NAPG: variants seen among roughly 807,000 people sequenced by gnomAD.
The protein encoded by NAPG is NSF attachment protein gamma.
In NAPG, 25 loss-of-function variants were observed where a neutral mutation model predicts 48.4. That is an observed-to-expected ratio of 0.52 (90% CI 0.38 to 0.72). The LOEUF is 0.72. Among genes scored for constraint, NAPG ranks in the 30% least tolerant of loss-of-function variants. NAPG has a pLI of 0.00. For missense variants in NAPG, 359 were observed against 372.5 expected (o/e 0.96, Z 0.30); for synonymous variants, 139 against 127.2 (o/e 1.09, Z -0.62).
In NAPG at chr18:10,533,665, A is replaced by G; in HGVS notation, c.227+112A>G. 5 of 878,522 alleles carry G rather than the reference A, an allele frequency of 5.7e-6. No individual in the cohort carries two copies. In the South Asian group the frequency reaches 9.1e-5, roughly 16 times the overall value. 54.4% of individuals were successfully genotyped at this position (878,522 alleles called of 1,614,324 possible). On this transcript the variant is annotated intron_variant, in intron 4 of 11. Transcript: ENST00000322897. ...TATAAATTTTGTATTGATTTAAATA[A>G]TAATCATTTCTCTTTGCTTCAGTTT...
rs995075355 is a variant in NAPG at position 10,542,358 on chromosome 18, A to G, written c.506+1959A>G. Reference sequence around the variant, plus strand: ...AAAATTAATTTAAATTTGTGCAGGAACATGAAGGAATTTGATCTTTTGAAA... The same window carrying G: ...AAAATTAATTTAAATTTGTGCAGGAGCATGAAGGAATTTGATCTTTTGAAA... On this transcript the variant is annotated intron_variant, in intron 8 of 11. Transcript: ENST00000322897. This position sits in a 1 kb window ranked among gnomAD's most constrained non-coding sequence, Gnocchi z 4.5. Among the ~76,000 whole-genome samples the G allele has an allele frequency of 6.6e-6, 1 of 152,208 alleles. No individual in the cohort carries two copies. The highest frequency in any genetic ancestry group is 1.5e-5 in the Non-Finnish European group (1 of 68,040).
chr18:10,526,244 G>C, intron 1 of NAPG, 86 bp downstream of exon 1: 1 of 768,744 alleles, frequency 1.3e-6, no homozygotes, highest in Non-Finnish European at 2.2e-6. Context: ...GGGGGCGGGA[G>C]GGAGGGCTCA....
intron 2 of NAPG, among the ~76,000 whole-genome samples, chr18:10,531,235 C>A (rs370413849): frequency 6.6e-6 from 1 of 152,152 alleles, no homozygotes; most frequent in Admixed American, 6.5e-5. Flanking sequence ...TAACCTGATA[C>A]GCAAATCATA....
At chr18:10,541,601 T>C (rs548266570) in intron 8 of NAPG, among the ~76,000 whole-genome samples, 53 of 152,302 alleles carry the variant, frequency 3.5e-4, no homozygotes, top group African/African-American at 1.3e-3. Context: ...AACAGTGTCC[T>C]TCATTCTTTT....
intron 2 of NAPG, among the ~76,000 whole-genome samples, chr18:10,531,609 A>C (rs533675): frequency 0.41 from 61,596 of 152,038 alleles, 13,121 homozygotes; most frequent in African/African-American, 0.55. Flanking sequence ...ACTTTTATTT[A>C]AATCTGAGTA....
chr18:10,531,037 AC>A (rs142152293), intron 2 of NAPG, among the ~76,000 whole-genome samples, 200 bp downstream of exon 2: 6,851 of 152,242 alleles, frequency 0.045, 449 homozygotes, highest in African/African-American at 0.15. Flanking sequence ...AGTTCCTGGT[AC>A]CTGCTGTCTA....
At chr18:10,536,533 G>T (rs1005088337) in intron 5 of NAPG, among the ~76,000 whole-genome samples, 2 of 152,214 alleles carry the variant, frequency 1.3e-5, no homozygotes, top group African/African-American at 4.8e-5. Context: ...TTGAAAATAG[G>T]CATATTTATG....
chr18:10,543,780 G>A lies in NAPG; in HGVS notation c.507-2546G>A, dbSNP rs76743274. Among the ~76,000 whole-genome samples the A allele has an allele frequency of 5.1e-3, 770 of 152,268 alleles. 7 individuals carry two copies. The highest frequency in any genetic ancestry group is 7.2e-3 in the Non-Finnish European group (492 of 68,008). ...TAGGAATATTAAGTATTACCTGATG[G>A]AAAAGTTGAAAGCATCTGTGTTTCA... On this transcript the variant is annotated intron_variant, in intron 8 of 11. Coordinates refer to ENST00000322897, the MANE Select transcript of NAPG (RefSeq NM_003826.3). The surrounding 1 kb of genome is among the most constrained non-coding windows in gnomAD (Gnocchi z 4.4).
rs2032325005 is a variant in NAPG, at chr18:10,548,918, G to T, written c.666-49G>T. Reference sequence around the variant, plus strand: ...GGGCAGAATCATCCCTGCCTGAGATGTGTTCTTTTAAGGAGAAGGTGAAGA... The same window carrying T: ...GGGCAGAATCATCCCTGCCTGAGATTTGTTCTTTTAAGGAGAAGGTGAAGA... On this transcript the variant is annotated intron_variant, in intron 10 of 11. Transcript: ENST00000322897. The surrounding 1 kb of genome is among the most constrained non-coding windows in gnomAD (Gnocchi z 4.4). The T allele has an allele frequency of 1.3e-6, 2 of 1,593,030 alleles. No homozygotes were observed. Among genetic ancestry groups the T allele is most frequent in the African/African-American group, 2.7e-5 (2 of 74,434 alleles).
At chr18:10,536,335 G>A (rs1034248537) in intron 5 of NAPG, among the ~76,000 whole-genome samples, 2 of 152,196 alleles carry the variant, frequency 1.3e-5, no homozygotes, top group African/African-American at 4.8e-5. Context: ...CCACAATTCT[G>A]TGGGCTAAAA....
chr18:10,529,000 G>A (rs976654688), intron 1 of NAPG, among the ~76,000 whole-genome samples: 3 of 152,188 alleles, frequency 2.0e-5, no homozygotes, highest in Admixed American at 6.5e-5. Context: ...AAATTGGTCA[G>A]TTTCCTTATT....
intron 1 of NAPG, among the ~76,000 whole-genome samples, chr18:10,527,302 T>C (rs1031627569): frequency 6.6e-6 from 1 of 152,160 alleles, no homozygotes; most frequent in African/African-American, 2.4e-5. Context: ...ATAGAGATTC[T>C]AATTTTTCGT....
chr18:10,528,375 A>G (rs1421213029), intron 1 of NAPG, among the ~76,000 whole-genome samples: 33 of 152,220 alleles, frequency 2.2e-4, no homozygotes, highest in Admixed American at 6.5e-5. Context: ...TGGGCAGACA[A>G]GTTAACAGAG....
In NAPG at chr18:10,526,173, T is replaced by C; in HGVS notation, c.56+15T>C. 2.0e-6 allele frequency: 3 copies of C among 1,495,368 alleles called. No individual in the cohort carries two copies. Among genetic ancestry groups the C allele is most frequent in the Non-Finnish European group, 2.7e-6 (3 of 1,106,556 alleles). The allele number at this position is 1,495,368 out of a possible 1,614,324, so 92.6% of individuals were successfully genotyped here. A position where few individuals can be genotyped will look rare whatever the true frequency, so the allele number is the denominator to read the frequency against. ...GCAGAGAAATAGTGAGTGAGAACCTTCCGGGGGCCTGTGTGTAGACGCCGG... is the reference window on the plus strand; with the variant it reads ...GCAGAGAAATAGTGAGTGAGAACCTCCCGGGGGCCTGTGTGTAGACGCCGG... On this transcript the variant is annotated intron_variant, in intron 1 of 11. Transcript: ENST00000322897.
intron 2 of NAPG, among the ~76,000 whole-genome samples, chr18:10,531,342 TTA>T (rs2031924442): frequency 6.6e-6 from 1 of 152,228 alleles, no homozygotes; most frequent in African/African-American, 2.4e-5. Context: ...TTTAATCAAT[TTA>T]TCTTTATATA....
At position 10,548,923 on chromosome 18, in the gene NAPG, C is replaced by A; in HGVS notation, c.666-44C>A. On this transcript the variant is annotated intron_variant, in intron 10 of 11. Coordinates refer to ENST00000322897, the MANE Select transcript of NAPG (RefSeq NM_003826.3). The surrounding 1 kb of genome is among the most constrained non-coding windows in gnomAD (Gnocchi z 4.4). ...GAATCATCCCTGCCTGAGATGTGTT[C>A]TTTTAAGGAGAAGGTGAAGACGTGT... 6.3e-7 allele frequency: 1 copy of A among 1,598,584 alleles called. No individual in the cohort carries two copies. Among genetic ancestry groups the A allele is most frequent in the South Asian group, 1.1e-5 (1 of 89,616 alleles).
chr18:10,533,301 G>A (rs370861860), intron 3 of NAPG: 16 of 397,598 alleles, frequency 4.0e-5, no homozygotes, highest in Admixed American at 1.7e-4. Context: ...TCAGATTATT[G>A]CGTAATAGAA....
chr18:10,545,565 A>G (rs528856676), intron 8 of NAPG, among the ~76,000 whole-genome samples: 1 of 152,240 alleles, frequency 6.6e-6, no homozygotes, highest in South Asian at 2.1e-4. Context: ...AAGTTGTACT[A>G]CTGAGGGAGT....
At position 10,544,032 on chromosome 18, in the gene NAPG, A is replaced by G. The variant is rs978660826; in HGVS notation, c.507-2294A>G. ...GAATGCACCCTTTATAGTTAAATAT[A>G]TGAAAAGTTTAAAATACTGAGATTG... On this transcript the variant is annotated intron_variant, in intron 8 of 11. Coordinates refer to ENST00000322897, the MANE Select transcript of NAPG (RefSeq NM_003826.3). The surrounding 1 kb of genome is among the most constrained non-coding windows in gnomAD (Gnocchi z 5.1). 1.3e-5 allele frequency among the ~76,000 whole-genome samples: 2 copies of G among 152,254 alleles called. No individual in the cohort carries two copies. Among genetic ancestry groups the G allele is most frequent in the Non-Finnish European group, 2.9e-5 (2 of 68,042 alleles).
Sources: gnomAD v4.1 joint callset for allele counts (sites outside exome capture counted in the v4.1 genomes callset) on GRCh38, gnomAD v4.1.1 for gene constraint, Gnocchi (gnomAD v3.1) non-coding constraint, MANE v1.5 for transcripts, NCBI Gene and HGNC (gene_info 2026-07-23, HGNC 2026-07-21) for gene names.